TCAF1: variants seen among roughly 807,000 people sequenced by gnomAD.
The protein encoded by TCAF1 is TRPM8 channel associated factor 1.
In TCAF1, 4 loss-of-function variants were observed where a neutral mutation model predicts 27.3. That is an observed-to-expected ratio of 0.15 (90% confidence interval 0.07 to 0.34). TCAF1 has a LOEUF of 0.34. TCAF1 is among the 10% of genes least tolerant of loss of function. The probability of loss-of-function intolerance (pLI) is 1.00; values close to 1 mark genes in which losing one functional copy is unlikely to be tolerated. For synonymous variants in TCAF1, 105 were observed against 167.1 expected (o/e 0.63, Z 2.87); for missense variants, 257 against 425.8 (o/e 0.60, Z 3.49).
At chr7:143,896,510 C>A (rs895955611) in intron 1 of TCAF1, among the ~76,000 whole-genome samples, 2 of 152,048 alleles carry the variant, frequency 1.3e-5, no homozygotes, top group African/African-American at 4.8e-5. Flanking sequence ...CATGTAATTA[C>A]AGACTACACA....
intron 1 of TCAF1, among the ~76,000 whole-genome samples, chr7:143,887,273 T>A (rs768242079): frequency 4.6e-5 from 7 of 152,180 alleles, no homozygotes; most frequent in Non-Finnish European, 7.3e-5. Flanking sequence ...ATCAAAAATA[T>A]TACGCAATTC....
rs868667051 is a variant in TCAF1, at chr7:143,882,602, C to T, written c.-14-5980G>A. 280 of 985,584 alleles carry T rather than the reference C, an allele frequency of 2.8e-4. 2 individuals carry two copies. In the African/African-American group the frequency reaches 4.6e-3, roughly 16 times the overall value. 61.1% of individuals were successfully genotyped at this position (985,584 alleles called of 1,614,324 possible). ...ATTTCTGATTTCGGCACACCCAGAC[C>T]CACGGCGCACCCATCGCGCCCCGCA... On this transcript the variant is annotated intron_variant, in intron 1 of 8. Coordinates refer to ENST00000479870, the MANE Select transcript of TCAF1 (RefSeq NM_014719.3).
In TCAF1 at chr7:143,876,129, C is replaced by T; in HGVS notation, c.480G>A (p.Gln160=). 6.2e-7 allele frequency: 1 copy of T among 1,614,220 alleles called. No individual in the cohort carries two copies. ...IGGQAWDWAN[Q]GEDERVLFTF... is the part of the protein sequence containing the mutation. Reference sequence around the variant, plus strand: ...TGAACAGAACCCTTTCATCCTCCCCCTGGTTGGCCCAATCCCAGGCTTGTC... The same window carrying T: ...TGAACAGAACCCTTTCATCCTCCCCTTGGTTGGCCCAATCCCAGGCTTGTC... Residue 160 remains glutamine, a synonymous_variant, in exon 2 of 9, where the codon CAG becomes CAA. Coordinates refer to ENST00000479870, the MANE Select transcript of TCAF1 (RefSeq NM_014719.3).
intron 1 of TCAF1, among the ~76,000 whole-genome samples, chr7:143,900,711 G>C (rs1294966809): frequency 6.6e-6 from 1 of 151,860 alleles, no homozygotes; most frequent in East Asian, 1.9e-4. Context: ...TAGGTGTTGG[G>C]GTAATTTGTT....
intron 1 of TCAF1, chr7:143,885,068 C>T (rs1293137456): frequency 1.0e-5 from 10 of 985,408 alleles, no homozygotes; most frequent in Non-Finnish European, 8.4e-6. Flanking sequence ...GCGCCCCCCT[C>T]GGCCGCGCTC....
intron 1 of TCAF1, chr7:143,882,884 A>G (rs558145693): frequency 2.0e-6 from 2 of 985,282 alleles, no homozygotes; most frequent in South Asian, 4.7e-5. Context: ...GCTGGAGGAG[A>G]GGAGGGGTTT....
intron 1 of TCAF1, among the ~76,000 whole-genome samples, chr7:143,879,517 A>G (rs1812902870): frequency 6.6e-6 from 1 of 152,184 alleles, no homozygotes; most frequent in African/African-American, 2.4e-5. Context: ...TATGGTGCCT[A>G]CTTGGCTTCA....
intron 1 of TCAF1, among the ~76,000 whole-genome samples, chr7:143,886,747 G>T (rs1422168143): frequency 2.3e-5 from 3 of 133,326 alleles, no homozygotes; most frequent in Admixed American, 8.1e-5. Context: ...GTGCTGGAGT[G>T]CAGTGGAGCG....
intron 1 of TCAF1, among the ~76,000 whole-genome samples, chr7:143,877,062 T>C (rs566594698): frequency 1.4e-4 from 22 of 152,152 alleles, no homozygotes; most frequent in Admixed American, 6.5e-4. Flanking sequence ...GGGAGAATGC[T>C]ATCAGAAAAT....
At chr7:143,900,010 G>C (rs1447378707) in intron 1 of TCAF1, among the ~76,000 whole-genome samples, 1 of 152,202 alleles carries the variant, frequency 6.6e-6, no homozygotes, top group African/African-American at 2.4e-5. Context: ...AGAGCAACAA[G>C]AATGCTCATC....
intron 6 of TCAF1, among the ~76,000 whole-genome samples, chr7:143,859,981 T>TTATA (rs1811871439): frequency 2.3e-5 from 1 of 43,504 alleles, no homozygotes; most frequent in African/African-American, 9.0e-5. Context: ...ATAATATATA[T>TTATA]TATATAATAT....
At chr7:143,875,792 G>T (rs540395523) in intron 2 of TCAF1, among the ~76,000 whole-genome samples, 197 bp downstream of exon 2, 1 of 152,298 alleles carries the variant, frequency 6.6e-6, no homozygotes, top group African/African-American at 2.4e-5. Context: ...TAAATGGTCT[G>T]GTTTGGGAAG....
At position 143,876,558 on chromosome 7, in the gene TCAF1, G is replaced by T; in HGVS notation, c.51C>A (p.Ser17Arg). 1 of 1,534,590 alleles carries T rather than the reference G, an allele frequency of 6.5e-7. No individual in the cohort carries two copies. Among genetic ancestry groups the T allele is most frequent in the Non-Finnish European group, 8.7e-7 (1 of 1,145,022 alleles). The change falls in exon 2 of 9, where the codon AGC (serine) becomes AGA (arginine). Residue 17 changes from serine (S) to arginine (R), a missense_variant. By Grantham distance (110) the Ser-to-Arg change is moderately radical (BLOSUM62 -1). This residue lies in a region of TCAF1 where 255 missense variants were observed against 260.1 expected (regional missense o/e 0.98). Transcript: ENST00000479870. ...GAACAGCATCTTCGGGTACATCCCA[G>T]CTTGTCACACCATTCATAAGGGCCT... ...AFEALMNGVT[S>R]WDVPEDAVPC...
intron 1 of TCAF1, 39 bp from the exon 2 acceptor site, chr7:143,876,661 T>C: frequency 1.4e-6 from 2 of 1,446,978 alleles, no homozygotes; most frequent in South Asian, 1.8e-5. Context: ...TAGCGAAGAA[T>C]GGATAAACAA....
At chr7:143,884,330 G>C (rs1441448704) in intron 1 of TCAF1, among the ~76,000 whole-genome samples, 1 of 152,130 alleles carries the variant, frequency 6.6e-6, no homozygotes, top group African/African-American at 2.4e-5. Context: ...AGGCCATGTA[G>C]ATAGGTGAGC....
chr7:143,883,122 G>A (rs1318688319), intron 1 of TCAF1, among the ~76,000 whole-genome samples: 1 of 152,182 alleles, frequency 6.6e-6, no homozygotes, highest in Non-Finnish European at 1.5e-5. Context: ...AGCAAATTGT[G>A]GGACAAACAT....
rs536414702 is a variant in TCAF1, at chr7:143,892,446, CGAAA to C, written c.-15+9511_-15+9514del. Among the ~76,000 whole-genome samples the C allele has an allele frequency of 1.9e-4, 28 of 149,196 alleles. No homozygotes were observed. The South Asian group carries it at 6.0e-3, about 32-fold the overall frequency. On this transcript the variant is annotated intron_variant, in intron 1 of 8. Transcript: ENST00000479870. Reference sequence around the variant, plus strand: ...AAAAATTAATAGAAAGTGTTGAATTCGAAAGAAATCAAGAAAAGAGAAAATAACA... The same window carrying C: ...AAAAATTAATAGAAAGTGTTGAATTCGAAATCAAGAAAAGAGAAAATAACA...
In TCAF1 at chr7:143,852,198, G is replaced by A. The variant is rs1258006453; in HGVS notation, c.*1935C>T. The A allele has an allele frequency of 5.3e-5, 8 of 151,630 alleles. No homozygotes were observed. The highest frequency in any genetic ancestry group is 1.3e-4 in the Admixed American group (2 of 15,090). The allele number at this position is 151,630 out of a possible 1,614,324, so 9.4% of individuals were successfully genotyped here. On this transcript the variant is annotated 3_prime_UTR_variant, in exon 9 of 9. Transcript: ENST00000479870. ...TTGGACCTGAATTTTTTGACATATT[G>A]TTGATTTGTCTTTCTTTTTTCTTGA...
chr7:143,879,074 C>T (rs1015123820), intron 1 of TCAF1, among the ~76,000 whole-genome samples: 1 of 152,216 alleles, frequency 6.6e-6, no homozygotes, highest in Non-Finnish European at 1.5e-5. Flanking sequence ...CTGCCTTTCT[C>T]CCTGCAGCAT....
Sources: allele counts gnomAD v4.1 joint callset (sites outside exome capture counted in the v4.1 genomes callset), GRCh38; gene constraint gnomAD v4.1.1; regional missense constraint gnomAD v4.1.1; transcripts MANE v1.5; gene names NCBI Gene and HGNC (gene_info 2026-07-23, HGNC 2026-07-21).